The following FOXO3 variants were observed in gnomAD, a reference collection of about 807,000 sequenced individuals.
FOXO3 encodes the protein forkhead box O3.
FOXO3 carries 4 observed loss-of-function variants against 41.9 expected under a neutral mutation model. The observed-to-expected ratio is 0.10, with a 90% CI of 0.05 to 0.22. FOXO3 has a LOEUF of 0.22. Ranked by LOEUF, FOXO3 falls within the 10% of genes least tolerant of loss-of-function variation. The pLI, the probability that FOXO3 is intolerant of heterozygous loss-of-function variation, is 1.00. For missense variants in FOXO3, 534 were observed against 906.8 expected (o/e 0.59, Z 5.28); for synonymous variants, 318 against 389.3 (o/e 0.82, Z 2.16).
rs1770926099 is a variant in FOXO3 at position 108,683,009 on chromosome 6, T to G, written c.*3217T>G. Reference sequence around the variant, plus strand: ...GCTTTATCACAAGCCTTCACTGTCCTGGCATGAGAACTGGCTGCCAGGCTC... The same window carrying G: ...GCTTTATCACAAGCCTTCACTGTCCGGGCATGAGAACTGGCTGCCAGGCTC... On this transcript the variant is annotated 3_prime_UTR_variant, in exon 3 of 3. Coordinates refer to ENST00000406360, the MANE Select transcript of FOXO3 (RefSeq NM_001455.4). 6.6e-6 allele frequency: 1 copy of G among 152,660 alleles called. No individual in the cohort carries two copies. The highest frequency in any genetic ancestry group is 2.4e-5 in the African/African-American group (1 of 41,468). The allele number at this position is 152,660 out of a possible 1,614,324, so 9.5% of individuals were successfully genotyped here.
At chr6:108,560,794 C>T (rs1775755100), upstream of FOXO3, 1 of 358,502 alleles carries the variant, frequency 2.8e-6, no homozygotes, top group African/African-American at 2.1e-5. Flanking sequence ...GGCGCCCCTC[C>T]CCCTTCTCCC....
chr6:108,639,034 C>A (rs1226230898), intron 1 of FOXO3, among the ~76,000 whole-genome samples: 1 of 152,176 alleles, frequency 6.6e-6, no homozygotes, highest in Non-Finnish European at 1.5e-5. Context: ...GGAGGCTGGG[C>A]TCCCTCTGGA....
intron 1 of FOXO3, among the ~76,000 whole-genome samples, chr6:108,633,979 A>G (rs945772865): frequency 6.6e-6 from 1 of 152,140 alleles, no homozygotes; most frequent in African/African-American, 2.4e-5. Context: ...ACCTCAAATG[A>G]ATGTGTGGCT....
chr6:108,626,241 G>A (rs997253659), intron 1 of FOXO3, among the ~76,000 whole-genome samples: 1 of 152,182 alleles, frequency 6.6e-6, no homozygotes, highest in Non-Finnish European at 1.5e-5. Flanking sequence ...TAACAAGACA[G>A]GTAAGGCATA....
upstream of FOXO3, among the ~76,000 whole-genome samples, chr6:108,560,436 TCTTTC>T (rs1008536272): frequency 3.9e-5 from 6 of 152,182 alleles, no homozygotes; most frequent in Non-Finnish European, 7.4e-5. Context: ...CTTCTTTCTG[TCTTTC>T]CTTTATTTTT....
chr6:108,611,915 G>T (rs1045322640), intron 1 of FOXO3, among the ~76,000 whole-genome samples: 2 of 152,052 alleles, frequency 1.3e-5, no homozygotes, highest in South Asian at 4.1e-4. Context: ...TTAATATTTT[G>T]TATGAGTCTG....
intron 1 of FOXO3, among the ~76,000 whole-genome samples, chr6:108,626,086 C>T (rs1226953370): frequency 6.6e-6 from 1 of 152,190 alleles, no homozygotes; most frequent in African/African-American, 2.4e-5. Flanking sequence ...TAGAAGCATA[C>T]TTCAGTGTGA....
chr6:108,662,582 A>G (rs1380005211), intron 1 of FOXO3, among the ~76,000 whole-genome samples: 2 of 152,244 alleles, frequency 1.3e-5, no homozygotes, highest in African/African-American at 4.8e-5. Context: ...TGGCAGGATG[A>G]GATGGAGTCA....
In FOXO3 at chr6:108,588,315, C is replaced by T. The variant is rs141009516; in HGVS notation, c.621+26486C>T. ...AGTTTTCTGATTGATTTGCATAGAC[C>T]ATTGACTGGATGTTGTATTTTTTTT... On this transcript the variant is annotated intron_variant, in intron 1 of 2. Transcript: ENST00000406360. 5.6e-3 allele frequency among the ~76,000 whole-genome samples: 845 copies of T among 151,716 alleles called. 3 individuals are homozygous for T. The highest frequency in any genetic ancestry group is 0.014 in the Middle Eastern group (4 of 292).
At chr6:108,621,292 G>A (rs1017032475) in intron 1 of FOXO3, among the ~76,000 whole-genome samples, 1 of 152,128 alleles carries the variant, frequency 6.6e-6, no homozygotes, top group Non-Finnish European at 1.5e-5. Context: ...GGGGTGACTC[G>A]TGGAACCCCT....
intron 1 of FOXO3, among the ~76,000 whole-genome samples, chr6:108,622,199 C>T (rs1777688164): frequency 7.2e-6 from 1 of 138,704 alleles, no homozygotes. Flanking sequence ...GTGGAGGTTG[C>T]AGTGAGCCCA....
At chr6:108,644,158 A>T (rs948578191) in intron 1 of FOXO3, among the ~76,000 whole-genome samples, 1 of 152,058 alleles carries the variant, frequency 6.6e-6, no homozygotes, top group Non-Finnish European at 1.5e-5. Context: ...TCACTGCATC[A>T]TGCTTAGGCC....
chr6:108,614,481 T>C (rs938324123), intron 1 of FOXO3, among the ~76,000 whole-genome samples: 2 of 152,186 alleles, frequency 1.3e-5, no homozygotes, highest in African/African-American at 4.8e-5. Context: ...CTCTTCATCC[T>C]TGGCAGTATT....
intron 1 of FOXO3, among the ~76,000 whole-genome samples, chr6:108,625,279 C>T (rs1280409453): frequency 6.6e-6 from 1 of 152,154 alleles, no homozygotes; most frequent in Non-Finnish European, 1.5e-5. Context: ...AGTTCAGTTA[C>T]TTAACATTTC....
chr6:108,560,728 C>A (rs1015062100), upstream of FOXO3: 4 of 222,858 alleles, frequency 1.8e-5, no homozygotes, highest in Non-Finnish European at 3.5e-5. Flanking sequence ...GACCGCGGCT[C>A]GGCTGCGCCA....
intron 1 of FOXO3, among the ~76,000 whole-genome samples, chr6:108,581,453 C>T (rs1554211553): frequency 6.6e-6 from 1 of 152,096 alleles, no homozygotes; most frequent in Non-Finnish European, 1.5e-5. Flanking sequence ...TACAAAATTT[C>T]TTCAAAGAAC....
chr6:108,668,256 A>G (rs1438495733), intron 2 of FOXO3, among the ~76,000 whole-genome samples: 1 of 152,250 alleles, frequency 6.6e-6, no homozygotes, highest in Non-Finnish European at 1.5e-5. Flanking sequence ...GGGGAGCTGC[A>G]GCAAGATGCT....
At chr6:108,607,168 TC>T (rs940732801) in intron 1 of FOXO3, among the ~76,000 whole-genome samples, 33 of 151,494 alleles carry the variant, frequency 2.2e-4, no homozygotes, top group African/African-American at 8.1e-4. Context: ...GAATAATATT[TC>T]AGCTGGGCGC....
chr6:108,654,575 A>G (rs1778634178), intron 1 of FOXO3, among the ~76,000 whole-genome samples: 1 of 152,030 alleles, frequency 6.6e-6, no homozygotes, highest in African/African-American at 2.4e-5. Context: ...GAGGGACCAG[A>G]ACCTGTCGCT....
Sources: allele counts gnomAD v4.1 joint callset (sites outside exome capture counted in the v4.1 genomes callset), GRCh38; gene constraint gnomAD v4.1.1; transcripts MANE v1.5; gene names NCBI Gene and HGNC (gene_info 2026-07-23, HGNC 2026-07-21).